The following PTBP3 variants were observed in gnomAD, a reference collection of about 807,000 sequenced individuals.
PTBP3 encodes the protein polypyrimidine tract binding protein 3.
In PTBP3, 20 loss-of-function variants were observed where a neutral mutation model predicts 58.7. That is an observed-to-expected ratio of 0.34 (90% CI 0.24 to 0.50). PTBP3 has a LOEUF of 0.50. PTBP3 is among the 20% of genes least tolerant of loss of function. The pLI is 0.98. For missense variants in PTBP3, 509 were observed against 637.2 expected, an observed-to-expected ratio of 0.80 and a Z score of 2.17; for synonymous variants, 185 against 219.8, an observed-to-expected ratio of 0.84 and a Z score of 1.40.
At chr9:112,332,880 T>C in intron 1 of PTBP3, 5 of 1,607,284 alleles carry the variant, frequency 3.1e-6, no homozygotes, top group Non-Finnish European at 4.2e-6. Flanking sequence ...CGAGAAAGCG[T>C]TAACGTATCT....
chr9:112,340,736 G>A, the PTBP3 span, among the ~76,000 whole-genome samples: 10 of 152,146 alleles, frequency 6.6e-5, no homozygotes, highest in South Asian at 2.1e-4. Context: ...AAAATTAGCC[G>A]GGCGTAGTGG....
intron 1 of PTBP3, chr9:112,332,851 A>G (rs1212179466): frequency 6.2e-7 from 1 of 1,612,388 alleles, no homozygotes; most frequent in South Asian, 1.1e-5. Context: ...CATGGTCACT[A>G]AGTCCAGACC....
At chr9:112,345,568 GT>G in the PTBP3 span, among the ~76,000 whole-genome samples, 48 of 151,064 alleles carry the variant, frequency 3.2e-4, no homozygotes, top group African/African-American at 1.2e-3. Flanking sequence ...TTTCAGTAGA[GT>G]TGGGGTTTTA....
At chr9:112,290,697 T>TACACACACACACAC (rs1212533738) in intron 2 of PTBP3, among the ~76,000 whole-genome samples, 18 of 62,064 alleles carry the variant, frequency 2.9e-4, no homozygotes, top group East Asian at 1.7e-3. Context: ...AATATATATA[T>TACACACACACACAC]ATATATATAT....
At chr9:112,325,639 A>G (rs4979100) in intron 1 of PTBP3, among the ~76,000 whole-genome samples, 126,700 of 150,944 alleles carry the variant, frequency 0.84, 53,476 homozygotes, top group African/African-American at 0.92. Flanking sequence ...GCAAGAACAA[A>G]GATGAATCTC....
intron 5 of PTBP3, among the ~76,000 whole-genome samples, chr9:112,261,855 G>C (rs1836612030): frequency 6.6e-6 from 1 of 151,970 alleles, no homozygotes; most frequent in Non-Finnish European, 1.5e-5. Context: ...CAATTATTTG[G>C]GTTTTGGATT....
At chr9:112,321,445 AT>A (rs1290126558) in intron 1 of PTBP3, among the ~76,000 whole-genome samples, 2 of 150,480 alleles carry the variant, frequency 1.3e-5, no homozygotes, top group African/African-American at 4.9e-5. Flanking sequence ...AGGAGAATCG[AT>A]TGAACCTGGG....
intron 2 of PTBP3, among the ~76,000 whole-genome samples, chr9:112,285,172 C>T (rs554344582): frequency 8.3e-4 from 126 of 152,178 alleles, no homozygotes; most frequent in African/African-American, 2.9e-3. Context: ...GGGGGTGGTT[C>T]CCCCCATGCT....
chr9:112,353,012 T>C, the PTBP3 span, among the ~76,000 whole-genome samples: 1 of 152,084 alleles, frequency 6.6e-6, no homozygotes. Flanking sequence ...GCGATTCTCC[T>C]GCTTCAGCCT....
the PTBP3 span, among the ~76,000 whole-genome samples, chr9:112,375,394 C>T: frequency 1.3e-5 from 2 of 152,194 alleles, no homozygotes; most frequent in African/African-American, 4.8e-5. Flanking sequence ...GGAAGTTCTG[C>T]CCACTGGGAA....
rs146309859 is a variant in PTBP3, at chr9:112,259,046, G to T, written c.516+3389C>A. ...GGTTCAATGCAACCTCCACCTCCCG[G>T]GCTCAAGCTATCCTCCCACCTTAGC... On this transcript the variant is annotated intron_variant, in intron 5 of 13. Coordinates refer to ENST00000374257, the MANE Select transcript of PTBP3 (RefSeq NM_001163788.4). 4.5e-3 allele frequency among the ~76,000 whole-genome samples: 683 copies of T among 152,170 alleles called. 4 individuals carry two copies. The highest frequency in any genetic ancestry group is 0.012 in the Admixed American group (177 of 15,284).
At chr9:112,325,551 A>G (rs1830121993) in intron 1 of PTBP3, among the ~76,000 whole-genome samples, 1 of 151,700 alleles carries the variant, frequency 6.6e-6, no homozygotes, top group Non-Finnish European at 1.5e-5. Context: ...TGAACTAAGA[A>G]GCAAAAACCC....
rs372320454 is a variant in PTBP3, at chr9:112,275,915, C to T, written c.133G>A (p.Ala45Thr). 1.9e-6 allele frequency: 3 copies of T among 1,613,854 alleles called. No individual in the cohort carries two copies. The African/African-American group carries it at 4.0e-5, about 22-fold the overall frequency. The change falls in exon 3 of 14, where the codon GCA becomes ACA. Residue 45 changes from alanine (A) to threonine (T), a missense_variant. Coordinates refer to ENST00000374257, the MANE Select transcript of PTBP3 (RefSeq NM_001163788.4). ...GGTAGACCTAATGATATGATCTCTG[C>T]TTCGGTGACATCACATGGAATTTTT... is the stretch of plus-strand genomic sequence containing the variant. ...LRKIPCDVTEAEIISLGLPFG... is the reference protein window; with the variant it reads ...LRKIPCDVTETEIISLGLPFG...
chr9:112,246,969 A>G (rs1421338638), intron 7 of PTBP3, among the ~76,000 whole-genome samples: 1 of 152,184 alleles, frequency 6.6e-6, no homozygotes, highest in Non-Finnish European at 1.5e-5. Flanking sequence ...AAACCCAGAC[A>G]TCTATATTGA....
chr9:112,289,164 G>T (rs1261696906), intron 2 of PTBP3, among the ~76,000 whole-genome samples: 1 of 152,158 alleles, frequency 6.6e-6, no homozygotes, highest in Admixed American at 6.5e-5. Flanking sequence ...TTTATAAGGA[G>T]GGGGTATGTT....
the PTBP3 span, among the ~76,000 whole-genome samples, chr9:112,367,747 T>C: frequency 6.6e-6 from 1 of 152,182 alleles, no homozygotes; most frequent in Non-Finnish European, 1.5e-5. Flanking sequence ...TTTGATGATT[T>C]GATTATAATG....
At chr9:112,248,381 T>C (rs1410777740) in intron 7 of PTBP3, among the ~76,000 whole-genome samples, 2 of 152,068 alleles carry the variant, frequency 1.3e-5, no homozygotes, top group East Asian at 1.9e-4. Flanking sequence ...GACAAAAGAA[T>C]TGCACAGGGA....
At chr9:112,242,585 T>C (rs1835702909) in intron 7 of PTBP3, 1 of 152,272 alleles carries the variant, frequency 6.6e-6, no homozygotes, top group Non-Finnish European at 1.5e-5. Flanking sequence ...CAGGCTGGAG[T>C]GCAGTGGCTA....
intron 7 of PTBP3, 37 bp from the exon 8 acceptor site, chr9:112,234,934 T>C: frequency 6.6e-7 from 1 of 1,518,500 alleles, no homozygotes. Flanking sequence ...ACACACTACC[T>C]TCTATAAATA....
Sources: gnomAD v4.1 joint callset for allele counts (sites outside exome capture counted in the v4.1 genomes callset) on GRCh38, gnomAD v4.1.1 for gene constraint, MANE v1.5 for transcripts, NCBI Gene and HGNC (gene_info 2026-07-23, HGNC 2026-07-21) for gene names.